The following SNTG1 variants were observed in gnomAD, a reference collection of about 807,000 sequenced individuals.
The protein encoded by SNTG1 is syntrophin gamma 1, also known as gamma-1-syntrophin.
Under a neutral mutation model 74.7 loss-of-function variants are expected in SNTG1, and 39 were observed. The observed-to-expected ratio is 0.52, with a 90% CI of 0.40 to 0.68. The LOEUF is 0.68. SNTG1 is among the 30% of genes least tolerant of loss of function. The probability of loss-of-function intolerance (pLI) is 0.00; values close to 1 mark genes in which losing one functional copy is unlikely to be tolerated. For synonymous variants in SNTG1, 254 were observed against 217.1 expected (o/e 1.17, Z -1.49); for missense variants, 685 against 609.5 (o/e 1.12, Z -1.30).
chr8:50,299,730 T>C (rs1318486497), intron 2 of SNTG1, among the ~76,000 whole-genome samples: 2 of 152,136 alleles, frequency 1.3e-5, no homozygotes, highest in African/African-American at 2.4e-5. Flanking sequence ...GTCTGTACCA[T>C]ATTTATTTTT....
intron 1 of SNTG1, among the ~76,000 whole-genome samples, chr8:49,976,415 C>G (rs1026784199): frequency 6.6e-6 from 1 of 151,894 alleles, no homozygotes; most frequent in African/African-American, 2.4e-5. Context: ...TGATTTCTGC[C>G]AGGTTGTGGG....
At chr8:50,507,127 C>CATAG (rs558291651) in intron 9 of SNTG1, among the ~76,000 whole-genome samples, 1 of 151,644 alleles carries the variant, frequency 6.6e-6, no homozygotes, top group African/African-American at 2.4e-5. Flanking sequence ...GTGTTAATTA[C>CATAG]ATAGATAGAT....
At chr8:50,763,666 G>A (rs1423016626) in intron 18 of SNTG1, among the ~76,000 whole-genome samples, 2 of 149,028 alleles carry the variant, frequency 1.3e-5, no homozygotes, top group African/African-American at 4.9e-5. Flanking sequence ...GTGTGTGTGT[G>A]TGTGTGTGTG....
chr8:50,063,929 G>A (rs1820687560), intron 1 of SNTG1, among the ~76,000 whole-genome samples: 1 of 152,156 alleles, frequency 6.6e-6, no homozygotes, highest in Non-Finnish European at 1.5e-5. Flanking sequence ...GTTATAGGAT[G>A]AGGATTCACA....
intron 1 of SNTG1, among the ~76,000 whole-genome samples, chr8:49,913,429 C>G (rs909398163): frequency 1.3e-5 from 2 of 152,220 alleles, no homozygotes; most frequent in African/African-American, 4.8e-5. Context: ...GAGGCCGTTA[C>G]AGTGGCATTC....
intron 2 of SNTG1, among the ~76,000 whole-genome samples, chr8:50,322,011 A>T (rs752489436): frequency 8.5e-5 from 13 of 152,096 alleles, no homozygotes; most frequent in Admixed American, 5.9e-4. Context: ...TTTTCTGTGT[A>T]CTTACTTTTA....
At chr8:50,443,886 G>A (rs1305278037) in intron 5 of SNTG1, among the ~76,000 whole-genome samples, 1 of 151,940 alleles carries the variant, frequency 6.6e-6, no homozygotes, top group African/African-American at 2.4e-5. Context: ...GTAATCCCAG[G>A]ACTTTAGGAG....
chr8:50,046,258 T>C (rs1819074831), intron 1 of SNTG1, among the ~76,000 whole-genome samples: 13 of 152,210 alleles, frequency 8.5e-5, no homozygotes, highest in Admixed American at 8.5e-4. Context: ...TGGAGTTTTC[T>C]GATCTCCAAA....
At chr8:50,500,059 AG>A (rs1359865027) in intron 8 of SNTG1, among the ~76,000 whole-genome samples, 1 of 151,782 alleles carries the variant, frequency 6.6e-6, no homozygotes, top group African/African-American at 2.4e-5. Context: ...GATTCTTTTG[AG>A]GTTTGTTAAG....
intron 1 of SNTG1, among the ~76,000 whole-genome samples, chr8:49,948,801 C>T (rs538355732): frequency 6.6e-6 from 1 of 152,292 alleles, no homozygotes; most frequent in South Asian, 2.1e-4. Context: ...GGCTGTCAGT[C>T]TTTTGCTGAG....
intron 13 of SNTG1, among the ~76,000 whole-genome samples, chr8:50,618,137 TG>T (rs2094897539): frequency 6.6e-6 from 1 of 152,240 alleles, no homozygotes; most frequent in Non-Finnish European, 1.5e-5. Flanking sequence ...TATAATTTTG[TG>T]ATTTCCACAA....
intron 9 of SNTG1, among the ~76,000 whole-genome samples, chr8:50,528,596 A>G (rs2094240801): frequency 2.0e-5 from 3 of 151,818 alleles, no homozygotes; most frequent in Admixed American, 2.0e-4. Context: ...GCATATGTCC[A>G]TAAGAGTTGA....
intron 13 of SNTG1, among the ~76,000 whole-genome samples, chr8:50,617,464 GC>G (rs1420814466): frequency 2.0e-5 from 3 of 151,884 alleles, no homozygotes; most frequent in Non-Finnish European, 2.9e-5. Flanking sequence ...CACTGGGAAA[GC>G]TAAGCTGAGC....
intron 1 of SNTG1, among the ~76,000 whole-genome samples, chr8:49,966,448 G>T (rs567351717): frequency 6.7e-6 from 1 of 150,242 alleles, no homozygotes; most frequent in Admixed American, 6.6e-5. Context: ...AGGCTTGAGT[G>T]CAGTGGTGCA....
intron 1 of SNTG1, among the ~76,000 whole-genome samples, chr8:50,154,235 T>C (rs2082176882): frequency 6.6e-6 from 1 of 152,152 alleles, no homozygotes; most frequent in East Asian, 1.9e-4. Flanking sequence ...AAGCCAGGCA[T>C]GGGATATAAT....
intron 5 of SNTG1, 64 bp from the exon 6 acceptor site, chr8:50,449,604 T>C: frequency 7.5e-7 from 1 of 1,326,590 alleles, no homozygotes; most frequent in Non-Finnish European, 1.0e-6. Flanking sequence ...CCTGTATGGT[T>C]TCTTAGCTAA....
chr8:50,489,880 T>G (rs553036443), intron 8 of SNTG1, among the ~76,000 whole-genome samples: 2 of 152,324 alleles, frequency 1.3e-5, no homozygotes, highest in East Asian at 3.9e-4. Context: ...CTAGGTTTTC[T>G]TCTAGGATTT....
chr8:50,525,200 C>T (rs954791589), intron 9 of SNTG1, among the ~76,000 whole-genome samples: 1 of 152,124 alleles, frequency 6.6e-6, no homozygotes, highest in African/African-American at 2.4e-5. Context: ...AATATATCAT[C>T]CCACTCCTTT....
Position 50,409,121 on chromosome 8 carries a change from G to A in SNTG1, c.162+6777G>A, listed in dbSNP as rs145616365. The stretch of plus-strand genomic sequence containing the variant: ...TCTGGGAGTTTATAGTAGAAGTCAA[G>A]TAGCTCCTCAGAGGCTTCAGGAGGT... On this transcript the variant is annotated intron_variant, in intron 4 of 18. Transcript: ENST00000642720. 1.6e-3 allele frequency among the ~76,000 whole-genome samples: 246 copies of A among 152,266 alleles called. 2 individuals carry two copies. The highest frequency in any genetic ancestry group is 0.01 in the Middle Eastern group (3 of 294).
Sources: allele counts gnomAD v4.1 joint callset (sites outside exome capture counted in the v4.1 genomes callset), GRCh38; gene constraint gnomAD v4.1.1; transcripts MANE v1.5; gene names NCBI Gene and HGNC (gene_info 2026-07-23, HGNC 2026-07-21).